Variants in LAMB4 observed in about 807,000 individuals in gnomAD.
LAMB4 encodes the protein laminin subunit beta-4.
In LAMB4, 196 loss-of-function variants were observed where a neutral mutation model predicts 199.2. The ratio of observed to expected loss-of-function variants is 0.98; its 90% CI spans 0.88 to 1.11. The LOEUF (loss-of-function observed/expected upper bound fraction) is 1.11. Ranked by LOEUF, LAMB4 falls within the 50% of genes least tolerant of loss-of-function variation. LAMB4 has a pLI of 0.00. For synonymous variants in LAMB4, 744 were observed against 770.6 expected, an observed-to-expected ratio of 0.97 and a Z score of 0.57; for missense variants, 2,080 against 2,171.2, an observed-to-expected ratio of 0.96 and a Z score of 0.83.
intron 28 of LAMB4, among the ~76,000 whole-genome samples, chr7:108,045,636 GAGA>G (rs2035593369): frequency 6.6e-6 from 1 of 152,118 alleles, no homozygotes; most frequent in Admixed American, 6.6e-5. Flanking sequence ...CTATTTTTTT[GAGA>G]AGGAGCAATA....
intron 15 of LAMB4, among the ~76,000 whole-genome samples, 195 bp from the exon 16 acceptor site, chr7:108,078,511 C>T (rs1181405008): frequency 6.6e-6 from 1 of 152,192 alleles, no homozygotes; most frequent in East Asian, 1.9e-4. Context: ...AATTGTGATC[C>T]AGGCAGAAAA....
In LAMB4 at chr7:108,047,933, T is replaced by G; in HGVS notation, c.4301A>C (p.Lys1434Thr). The part of the protein sequence containing the change: ...EAKSIIRNLD[K>T]QVRGLKNQIE... ...CTGATTTTTCAACCCACGAACCTGT[T>G]TGTCCAAATTACGAATAATGGATTT... The change falls in exon 28 of 34, where the codon AAA becomes ACA. Residue 1434 changes from lysine to threonine, a missense_variant. By Grantham distance (78) the Lys-to-Thr change is moderately conservative. Transcript: ENST00000388781. 6.2e-7 allele frequency: 1 copy of G among 1,614,118 alleles called. No homozygotes were observed. The highest frequency in any genetic ancestry group is 1.1e-5 in the South Asian group (1 of 91,086).
chr7:108,039,887 T>C (rs2035361464), intron 29 of LAMB4, among the ~76,000 whole-genome samples: 1 of 152,200 alleles, frequency 6.6e-6, no homozygotes, highest in Non-Finnish European at 1.5e-5. Context: ...CCACTCCTGT[T>C]CAACATAGTA....
the LAMB4 span, among the ~76,000 whole-genome samples, chr7:108,011,709 GCAC>G: frequency 6.6e-6 from 1 of 151,890 alleles, no homozygotes; most frequent in African/African-American, 2.4e-5. Context: ...GTGAGCCACT[GCAC>G]TCGGCCCACT....
At chr7:108,020,194 A>T (rs942362537), downstream of LAMB4, among the ~76,000 whole-genome samples, 3 of 152,114 alleles carry the variant, frequency 2.0e-5, no homozygotes, top group African/African-American at 7.2e-5. Context: ...ACTCGAATTA[A>T]GAAAATGATT....
At chr7:108,076,247 A>G (rs1177909964) in intron 17 of LAMB4, among the ~76,000 whole-genome samples, 2 of 152,134 alleles carry the variant, frequency 1.3e-5, no homozygotes, top group Non-Finnish European at 2.9e-5. Context: ...AATCTACTCA[A>G]TGCTCAACTC....
At chr7:108,035,554 AAAAAAAAG>A (rs2035192379) in intron 30 of LAMB4, among the ~76,000 whole-genome samples, 1 of 150,904 alleles carries the variant, frequency 6.6e-6, no homozygotes, top group Admixed American at 6.6e-5. Context: ...AAGAAAAAAA[AAAAAAAAG>A]ATTTTCAATG....
intron 33 of LAMB4, among the ~76,000 whole-genome samples, chr7:108,026,253 C>T (rs2034834200): frequency 6.6e-6 from 1 of 152,188 alleles, no homozygotes; most frequent in African/African-American, 2.4e-5. Context: ...AATCTACTTA[C>T]CCTGTTCCTA....
intron 14 of LAMB4, among the ~76,000 whole-genome samples, chr7:108,085,473 A>C (rs2037134557): frequency 6.6e-6 from 1 of 152,214 alleles, no homozygotes. Context: ...TTGAACGGCA[A>C]ATAACAAAAT....
chr7:108,076,654 G>T (rs2036714652), intron 17 of LAMB4, among the ~76,000 whole-genome samples: 1 of 152,088 alleles, frequency 6.6e-6, no homozygotes, highest in Admixed American at 6.5e-5. Flanking sequence ...TCACTCACTA[G>T]CTCTGTGACC....
intron 31 of LAMB4, among the ~76,000 whole-genome samples, chr7:108,032,620 C>T (rs187682675): frequency 1.3e-5 from 2 of 152,094 alleles, no homozygotes; most frequent in East Asian, 1.9e-4. Flanking sequence ...GAGCCACAAT[C>T]GCGGTTAGCA....
chr7:108,070,298 G>T (rs2036489724), intron 17 of LAMB4, among the ~76,000 whole-genome samples: 1 of 152,168 alleles, frequency 6.6e-6, no homozygotes, highest in Admixed American at 6.5e-5. Flanking sequence ...TGCTTTATCT[G>T]TCCTGAAACC....
chr7:108,020,347 T>G (rs1001532581), downstream of LAMB4, among the ~76,000 whole-genome samples: 4 of 151,624 alleles, frequency 2.6e-5, no homozygotes, highest in Non-Finnish European at 4.4e-5. Context: ...GGCACATGCC[T>G]GTAATCCCAG....
chr7:108,104,604 C>T lies in LAMB4; in HGVS notation c.886G>A (p.Val296Met). The change falls in exon 9 of 34, where the codon GTG becomes ATG. Residue 296 changes from valine (V) to methionine (M), a missense_variant. Physicochemically the swap from Val to Met is conservative, Grantham distance 21 (BLOSUM62 1). Coordinates refer to ENST00000388781, the MANE Select transcript of LAMB4 (RefSeq NM_007356.3). ...GGACCATCTGTATTGTGCTGACACA[C>T]ACACTGACCGTGAACCTGCATTGTG... is the stretch of plus-strand genomic sequence containing the variant. ...SPPGMVHGQC[V>M]CQHNTDGPNC... is the part of the protein sequence containing the mutation. 6.2e-7 allele frequency: 1 copy of T among 1,614,138 alleles called. No homozygotes were observed. The highest frequency in any genetic ancestry group is 8.5e-7 in the Non-Finnish European group (1 of 1,180,014).
intron 30 of LAMB4, among the ~76,000 whole-genome samples, chr7:108,036,484 G>A (rs760700663): frequency 3.3e-5 from 5 of 152,216 alleles, no homozygotes; most frequent in African/African-American, 9.6e-5. Context: ...CACCGTGCCC[G>A]GCCTACTTAA....
At position 108,107,797 on chromosome 7, in the gene LAMB4, A is replaced by G. The variant is rs1156664645; in HGVS notation, c.425T>C (p.Leu142Ser). ...TFKTFRPAAM[L>S]VERSTDYGHN... is the part of the protein sequence containing the mutation. ...TCCATAGTCTGTGGAACGTTCAACT[A>G]ACATTGCAGCAGGCCGAAAAGTCTA... The change falls in exon 6 of 34, where the codon TTA (leucine) becomes TCA (serine). Residue 142 changes from leucine to serine, a missense_variant. Physicochemically the swap from Leu to Ser is moderately radical, Grantham distance 145 (BLOSUM62 -2). Transcript: ENST00000388781. 6.3e-7 allele frequency: 1 copy of G among 1,597,074 alleles called. No individual in the cohort carries two copies. The highest frequency in any genetic ancestry group is 1.2e-5 in the South Asian group (1 of 86,770).
chr7:108,085,113 A>G (rs1464838360), intron 14 of LAMB4, among the ~76,000 whole-genome samples: 1 of 152,194 alleles, frequency 6.6e-6, no homozygotes, highest in Admixed American at 6.5e-5. Context: ...CTAGAAGGAA[A>G]GAGAAAGACA....
Position 108,057,943 on chromosome 7 carries a change from A to T in LAMB4, c.3283-15T>A, listed in dbSNP as rs759342351. On this transcript the variant is annotated splice_polypyrimidine_tract_variant and intron_variant, in intron 23 of 33. Coordinates refer to ENST00000388781, the MANE Select transcript of LAMB4 (RefSeq NM_007356.3). ...TGGCCTGTAAGCTGTGAGAACAGTC[A>T]TGGGTGAGGAATTGACAAGTTTTAT... 5.1e-6 allele frequency: 8 copies of T among 1,576,508 alleles called. No individual in the cohort carries two copies. The highest frequency in any genetic ancestry group is 5.0e-5 in the Admixed American group (3 of 59,708).
intron 29 of LAMB4, among the ~76,000 whole-genome samples, chr7:108,042,664 T>G (rs894431319): frequency 1.3e-5 from 2 of 152,182 alleles, no homozygotes; most frequent in East Asian, 1.9e-4. Flanking sequence ...ACCTGATTTT[T>G]GTTTATCTTG....
Sources: allele counts gnomAD v4.1 joint callset (sites outside exome capture counted in the v4.1 genomes callset), GRCh38; gene constraint gnomAD v4.1.1; transcripts MANE v1.5; gene names NCBI Gene and HGNC (gene_info 2026-07-23, HGNC 2026-07-21).